The following TBC1D10C variants were observed in gnomAD, a reference collection of about 807,000 sequenced individuals.
TBC1D10C encodes the protein TBC1 domain family member 10C.
A neutral mutation model predicts 51.0 loss-of-function variants in TBC1D10C; 49 were observed. That is an observed-to-expected ratio of 0.96 (90% confidence interval 0.76 to 1.22). The LOEUF is 1.22. Ranked by LOEUF, TBC1D10C falls within the 50% of genes most tolerant of loss-of-function variation. The pLI is 0.00. For synonymous variants in TBC1D10C, 281 were observed against 266.7 expected (o/e 1.05, Z -0.52); for missense variants, 541 against 617.5 (o/e 0.88, Z 1.31).
chr11:67,405,917 T>G lies in TBC1D10C; in HGVS notation c.482T>G (p.Leu161Arg). Residue 161 changes from leucine (L) to arginine (R), a missense_variant, in exon 5 of 9, where the codon CTG becomes CGG. Leu to Arg is a moderately radical substitution (Grantham distance 102). Coordinates refer to ENST00000542590, the MANE Select transcript of TBC1D10C (RefSeq NM_001369496.1). ...SPQGHGQQGL[L>R]QVLKAYTLYR... Reference sequence around the variant, plus strand: ...TTCCGGCACAGGCAGCAGGGGCTCCTGCAGGTGCTCAAGGCCTACACCCTG... The same window carrying G: ...TTCCGGCACAGGCAGCAGGGGCTCCGGCAGGTGCTCAAGGCCTACACCCTG... 1 of 1,596,548 alleles carries G rather than the reference T, an allele frequency of 6.3e-7. No homozygotes were observed. The highest frequency in any genetic ancestry group is 8.5e-7 in the Non-Finnish European group (1 of 1,172,594).
rs550808976 is a variant in TBC1D10C, at chr11:67,406,892, C to A, written c.714C>A (p.His238Gln). 2 of 1,611,516 alleles carry A rather than the reference C, an allele frequency of 1.2e-6. No individual in the cohort carries two copies. The highest frequency in any genetic ancestry group is 2.7e-5 in the African/African-American group (2 of 75,032). ...ALLRRLLPHV[H>Q]KHLQQVGVGP... ...TGCGGCGGCTGCTTCCGCACGTGCACAAGCACCTGCAGCAGGTGGGCGTCG... is the reference window on the plus strand; with the variant it reads ...TGCGGCGGCTGCTTCCGCACGTGCAAAAGCACCTGCAGCAGGTGGGCGTCG... The change falls in exon 7 of 9, where the codon CAC becomes CAA. Residue 238 changes from histidine (H) to glutamine (Q), a missense_variant. Physicochemically the swap from His to Gln is conservative, Grantham distance 24 (BLOSUM62 0). Coordinates refer to ENST00000542590, the MANE Select transcript of TBC1D10C (RefSeq NM_001369496.1).
At chr11:67,405,210 G>T in intron 2 of TBC1D10C, 26 bp downstream of exon 2, 1 of 1,544,562 alleles carries the variant, frequency 6.5e-7, no homozygotes, top group Non-Finnish European at 8.7e-7. Flanking sequence ...GCCCCACTTG[G>T]CTTCCATGGC....
upstream of TBC1D10C, chr11:67,403,942 T>G: frequency 1.1e-5 from 4 of 380,852 alleles, no homozygotes; most frequent in Admixed American, 4.6e-5. Flanking sequence ...GAGGAGGAGG[T>G]GAGGTGCTGC....
chr11:67,406,008 G>GC lies in TBC1D10C; in HGVS notation c.578dup (p.Glu194ArgfsTer12). ...TGGCTGCTGTGCTGCTCATGCACCT[G>GC]CCCCCAGAGGTGAGTGACCTTGACC... On this transcript the variant is annotated frameshift_variant, in exon 5 of 9. Transcript: ENST00000542590. LOFTEE classifies it high-confidence loss of function. 6.3e-7 allele frequency: 1 copy of GC among 1,582,398 alleles called. No homozygotes were observed. Among genetic ancestry groups the GC allele is most frequent in the Non-Finnish European group, 8.6e-7 (1 of 1,168,114 alleles).
chr11:67,404,799 C>T (rs914852110), intron 1 of TBC1D10C: 36 of 419,844 alleles, frequency 8.6e-5, no homozygotes, highest in Middle Eastern at 1.2e-3. Context: ...AGCCAGCTTC[C>T]CCTATGAATT....
chr11:67,406,873 G>A lies in TBC1D10C; in HGVS notation c.695G>A (p.Arg232Gln), dbSNP rs967962454. 16 of 1,610,192 alleles carry A rather than the reference G, an allele frequency of 9.9e-6. No individual in the cohort carries two copies. Among genetic ancestry groups the A allele is most frequent in the East Asian group, 4.5e-5 (2 of 44,876 alleles). The change falls in exon 7 of 9, where the codon CGG becomes CAG. Residue 232 changes from arginine to glutamine, a missense_variant. By Grantham distance (43) the Arg-to-Gln change is conservative (BLOSUM62 1). Transcript: ENST00000542590. ...GAGGTGTTCATGGCCCTGCTGCGGC[G>A]GCTGCTTCCGCACGTGCACAAGCAC... ...DAEVFMALLR[R>Q]LLPHVHKHLQ...
chr11:67,409,491 C>A lies in TBC1D10C; in HGVS notation c.1078C>A (p.Pro360Thr), dbSNP rs955247909. Reference sequence around the variant, plus strand: ...CCAGCTGCCCGATTCCGCGCCGGGACCCCCGCCCCGGCCACAGGTCCGCCT... The same window carrying A: ...CCAGCTGCCCGATTCCGCGCCGGGAACCCCGCCCCGGCCACAGGTCCGCCT... ...LAQLPDSAPG[P>T]PPRPQVRLAG... Residue 360 changes from proline to threonine, a missense_variant, in exon 9 of 9, where the codon CCC (proline) becomes ACC (threonine). Pro to Thr is a conservative substitution (Grantham distance 38, BLOSUM62 -1). Coordinates refer to ENST00000542590, the MANE Select transcript of TBC1D10C (RefSeq NM_001369496.1). 1.3e-6 allele frequency: 2 copies of A among 1,548,462 alleles called. No individual in the cohort carries two copies. Among genetic ancestry groups the A allele is most frequent in the Non-Finnish European group, 1.7e-6 (2 of 1,146,294 alleles).
Position 67,409,665 on chromosome 11 carries a change from G to T in TBC1D10C, c.1252G>T (p.Gly418Trp). 6.2e-7 allele frequency: 1 copy of T among 1,603,288 alleles called. No homozygotes were observed. The highest frequency in any genetic ancestry group is 2.2e-5 in the East Asian group (1 of 44,798). Residue 418 changes from glycine (G) to tryptophan (W), a missense_variant, in exon 9 of 9, where the codon GGG becomes TGG. By Grantham distance (184) the Gly-to-Trp change is radical. Coordinates refer to ENST00000542590, the MANE Select transcript of TBC1D10C (RefSeq NM_001369496.1). ...KPQTRGKTFH[G>W]LLTRARGPPI... is the part of the protein sequence containing the mutation. ...CCAGACCCGCGGCAAGACTTTCCAT[G>T]GGCTCCTGACTCGGGCCCGGGGCCC... is the stretch of plus-strand genomic sequence containing the variant.
chr11:67,406,573 C>G, intron 5 of TBC1D10C, 54 bp from the exon 6 acceptor site: 1 of 1,490,900 alleles, frequency 6.7e-7, no homozygotes, highest in East Asian at 2.5e-5. Flanking sequence ...CCTTCTCCTC[C>G]ACGGTCCCTT....
Position 67,408,974 on chromosome 11 carries a change from T to G in TBC1D10C, c.839-5T>G. 1 of 1,537,412 alleles carries G rather than the reference T, an allele frequency of 6.5e-7. No homozygotes were observed. Among genetic ancestry groups the G allele is most frequent in the East Asian group, 2.5e-5 (1 of 39,832 alleles). On this transcript the variant is annotated splice_polypyrimidine_tract_variant and splice_region_variant and intron_variant, in intron 7 of 8. Coordinates refer to ENST00000542590, the MANE Select transcript of TBC1D10C (RefSeq NM_001369496.1). ...CCTCCCAGTGAATAAGCCCCCGGCC[T>G]GCAGGTGCCAGAGTACTGTTCCGTG...
At position 67,405,004 on chromosome 11, in the gene TBC1D10C, C is replaced by T. The variant is rs962501445; in HGVS notation, c.153-81C>T. On this transcript the variant is annotated intron_variant, in intron 1 of 8. Coordinates refer to ENST00000542590, the MANE Select transcript of TBC1D10C (RefSeq NM_001369496.1). The stretch of plus-strand genomic sequence containing the variant: ...TCCCTAGGGCCAGGAGCTGGGTTCA[C>T]CTGGGTAGCCTGGAGGGTGGCAGTG... 11 of 1,349,640 alleles carry T rather than the reference C, an allele frequency of 8.2e-6. No individual in the cohort carries two copies. The Admixed American group carries it at 2.2e-4, about 27-fold the overall frequency. The allele number at this position is 1,349,640 out of a possible 1,614,324, so 83.6% of individuals were successfully genotyped here. A position where few individuals can be genotyped will look rare whatever the true frequency, so the allele number is the denominator to read the frequency against.
chr11:67,405,385 G>A lies in TBC1D10C; in HGVS notation c.253-14G>A. ...ATGGAGGCTGCCTAGTGGAGCCCTT[G>A]GCCTCACCCACAGGTAAAGATGCAG... On this transcript the variant is annotated splice_polypyrimidine_tract_variant and intron_variant, in intron 2 of 8. Coordinates refer to ENST00000542590, the MANE Select transcript of TBC1D10C (RefSeq NM_001369496.1). The A allele has an allele frequency of 1.2e-6, 2 of 1,612,138 alleles. No homozygotes were observed. The highest frequency in any genetic ancestry group is 2.2e-5 in the East Asian group (1 of 44,860).
At chr11:67,409,269 G>T in intron 8 of TBC1D10C, 136 bp downstream of exon 8, 1 of 1,384,552 alleles carries the variant, frequency 7.2e-7, no homozygotes. Flanking sequence ...AAAAACCTGA[G>T]GCCTCCAGTG....
Position 67,409,540 on chromosome 11 carries a change from A to G in TBC1D10C, c.1127A>G (p.Glu376Gly). ...VRLAGAQAIF[E>G]AQQLAGVRRG... ...CTCGCCGGGGCCCAAGCCATCTTTGAGGCCCAGCAGCTGGCAGGAGTGCGA... is the reference window on the plus strand; with the variant it reads ...CTCGCCGGGGCCCAAGCCATCTTTGGGGCCCAGCAGCTGGCAGGAGTGCGA... The change falls in exon 9 of 9, where the codon GAG (glutamate) becomes GGG (glycine). Residue 376 changes from glutamate (E) to glycine (G), a missense_variant. Physicochemically the swap from Glu to Gly is moderately conservative, Grantham distance 98 (BLOSUM62 -2). Coordinates refer to ENST00000542590, the MANE Select transcript of TBC1D10C (RefSeq NM_001369496.1). 1 of 1,548,744 alleles carries G rather than the reference A, an allele frequency of 6.5e-7. No individual in the cohort carries two copies. Among genetic ancestry groups the G allele is most frequent in the East Asian group, 2.4e-5 (1 of 40,874 alleles).
At position 67,405,887 on chromosome 11, in the gene TBC1D10C, G is replaced by A; in HGVS notation, c.468-16G>A. ...GTGCCTGCAGGACTGGCCCCTTATG[G>A]GGTCTTCCGGCACAGGCAGCAGGGG... On this transcript the variant is annotated splice_polypyrimidine_tract_variant and intron_variant, in intron 4 of 8. Coordinates refer to ENST00000542590, the MANE Select transcript of TBC1D10C (RefSeq NM_001369496.1). 1 of 1,578,298 alleles carries A rather than the reference G, an allele frequency of 6.3e-7. No individual in the cohort carries two copies. Among genetic ancestry groups the A allele is most frequent in the Non-Finnish European group, 8.6e-7 (1 of 1,162,854 alleles).
At chr11:67,404,837 C>A in intron 1 of TBC1D10C, 1 of 489,704 alleles carries the variant, frequency 2.0e-6, no homozygotes, top group Admixed American at 3.4e-5. Flanking sequence ...GGGTGACAGC[C>A]AACCAGTCCC....
intron 5 of TBC1D10C, chr11:67,406,227 C>T: frequency 1.9e-6 from 1 of 533,726 alleles, no homozygotes; most frequent in Non-Finnish European, 3.3e-6. Context: ...GCCTTGACCC[C>T]AGTCATCTAG....
chr11:67,404,400 AG>A (rs745765605), intron 1 of TBC1D10C, 46 bp downstream of exon 1: 3 of 1,497,086 alleles, frequency 2.0e-6, no homozygotes, highest in East Asian at 2.5e-5. Context: ...GACAGAGGAC[AG>A]GGGGCTGAGG....
intron 7 of TBC1D10C, chr11:67,407,791 A>C (rs1248144687): frequency 6.6e-6 from 1 of 152,306 alleles, no homozygotes; most frequent in African/African-American, 2.4e-5. Flanking sequence ...TCTATATGTG[A>C]GGTCTGGAGG....
Sources: gnomAD v4.1 joint callset for allele counts on GRCh38, gnomAD v4.1.1 for gene constraint, MANE v1.5 for transcripts, NCBI Gene and HGNC (gene_info 2026-07-23, HGNC 2026-07-21) for gene names.